The following WDFY4 variants were observed in gnomAD, a reference collection of about 807,000 sequenced individuals.
WDFY4 encodes the protein WD repeat- and FYVE domain-containing protein 4.
WDFY4 carries 169 observed loss-of-function variants against 351.9 expected under a neutral mutation model. The ratio of observed to expected loss-of-function variants is 0.48; its 90% confidence interval spans 0.42 to 0.55. The LOEUF is 0.55. WDFY4 is among the 20% of genes least tolerant of loss of function. The pLI is 0.00. For synonymous variants in WDFY4, 1,622 were observed against 1,574.6 expected, an observed-to-expected ratio of 1.03 and a Z score of -0.71; for missense variants, 3,803 against 3,935.6, an observed-to-expected ratio of 0.97 and a Z score of 0.90.
intron 11 of WDFY4, among the ~76,000 whole-genome samples, chr10:48,739,796 T>G (rs573722356): frequency 6.6e-6 from 1 of 152,308 alleles, no homozygotes; most frequent in South Asian, 2.1e-4. Context: ...CTAGGAATTA[T>G]AGGTGACAAA....
At position 48,721,318 on chromosome 10, in the gene WDFY4, A is replaced by G. The variant is rs762680599; in HGVS notation, c.407A>G (p.Asp136Gly). The change falls in exon 4 of 62, where the codon GAT becomes GGT. Residue 136 changes from aspartate to glycine, a missense_variant. By Grantham distance (94) the Asp-to-Gly change is moderately conservative. Coordinates refer to ENST00000325239, the MANE Select transcript of WDFY4 (RefSeq NM_001394531.1). Reference protein sequence around the residue: ...LLWWKGDVDQDGYLLLKSVYV... With the variant: ...LLWWKGDVDQGGYLLLKSVYV... ...TGGTGGAAGGGGGACGTGGATCAGG[A>G]TGGCTACTTGCTCCTGAAGTCAGTG... is the stretch of plus-strand genomic sequence containing the variant. 270 of 1,551,498 alleles carry G rather than the reference A, an allele frequency of 1.7e-4. No individual in the cohort carries two copies. The highest frequency in any genetic ancestry group is 2.3e-4 in the Non-Finnish European group (264 of 1,146,982).
chr10:48,955,233 C>T (rs771078976), intron 51 of WDFY4, among the ~76,000 whole-genome samples: 5 of 152,178 alleles, frequency 3.3e-5, no homozygotes, highest in South Asian at 4.1e-4. Context: ...TGATGGTGGA[C>T]GTCATTCCCT....
At position 48,960,570 on chromosome 10, in the gene WDFY4, T is replaced by C. The variant is rs370722714; in HGVS notation, c.8223+757T>C. Reference sequence around the variant, plus strand: ...ATTACCCAGCATTTTCCCTTGTAGATATTTACTCCAGAAAATTGAAAGCAT... The same window carrying C: ...ATTACCCAGCATTTTCCCTTGTAGACATTTACTCCAGAAAATTGAAAGCAT... On this transcript the variant is annotated intron_variant, in intron 53 of 61. Coordinates refer to ENST00000325239, the MANE Select transcript of WDFY4 (RefSeq NM_001394531.1). 1.1e-4 allele frequency among the ~76,000 whole-genome samples: 17 copies of C among 152,346 alleles called. No homozygotes were observed. In the East Asian group the frequency reaches 1.5e-3, roughly 14 times the overall value.
chr10:48,877,298 G>C, intron 43 of WDFY4, 99 bp downstream of exon 43: 1 of 1,088,862 alleles, frequency 9.2e-7, no homozygotes, highest in Non-Finnish European at 1.3e-6. Flanking sequence ...CATGGGGAAT[G>C]AGATCTCCAT....
At chr10:48,787,870 TCTTC>T (rs1565198013) in intron 20 of WDFY4, among the ~76,000 whole-genome samples, 1 of 122,702 alleles carries the variant, frequency 8.1e-6, no homozygotes. Context: ...TCTTCTTCTT[TCTTC>T]TTTCTTTCTT....
intron 19 of WDFY4, among the ~76,000 whole-genome samples, chr10:48,780,321 G>A (rs183031549): frequency 3.3e-5 from 5 of 152,338 alleles, no homozygotes; most frequent in Non-Finnish European, 5.9e-5. Flanking sequence ...TTTAGAAAAT[G>A]CATTGAAGGT....
chr10:48,871,264 A>G (rs2069768271), intron 40 of WDFY4, among the ~76,000 whole-genome samples: 1 of 152,140 alleles, frequency 6.6e-6, no homozygotes, highest in Non-Finnish European at 1.5e-5. Flanking sequence ...ACTAATTTGA[A>G]GCTAAGGCTG....
intron 1 of WDFY4, among the ~76,000 whole-genome samples, chr10:48,707,519 CA>C (rs2063662648): frequency 6.6e-6 from 1 of 152,186 alleles, no homozygotes; most frequent in African/African-American, 2.4e-5. Flanking sequence ...CTAATCCAGC[CA>C]TCTATCAGAG....
chr10:48,977,767 C>T (rs930037271), intron 59 of WDFY4, among the ~76,000 whole-genome samples: 1 of 152,322 alleles, frequency 6.6e-6, no homozygotes, highest in East Asian at 1.9e-4. Context: ...CTGTGCTAAG[C>T]CTGGCGTGGG....
At chr10:48,866,977 C>G (rs545922160) in intron 39 of WDFY4, among the ~76,000 whole-genome samples, 75 of 152,016 alleles carry the variant, frequency 4.9e-4, no homozygotes, top group African/African-American at 1.8e-3. Flanking sequence ...TCAAGACCAG[C>G]CTGGCCAATG....
Position 48,735,914 on chromosome 10 carries a change from C to A in WDFY4, c.1722C>A (p.Ile574=). 1 of 1,551,714 alleles carries A rather than the reference C, an allele frequency of 6.4e-7. No individual in the cohort carries two copies. The highest frequency in any genetic ancestry group is 8.7e-7 in the Non-Finnish European group (1 of 1,147,006). ...VLKDHGMVPF[I]KIFLDDECYR... is the part of the protein sequence containing the mutation. Reference sequence around the variant, plus strand: ...AGGACCACGGCATGGTGCCCTTCATCAAGATCTTCCTGGATGACGAGTGCT... The same window carrying A: ...AGGACCACGGCATGGTGCCCTTCATAAAGATCTTCCTGGATGACGAGTGCT... Residue 574 remains isoleucine, a synonymous_variant, in exon 11 of 62, where the codon ATC becomes ATA. Transcript: ENST00000325239.
intron 12 of WDFY4, among the ~76,000 whole-genome samples, chr10:48,744,213 C>T (rs1245374408): frequency 6.6e-6 from 1 of 152,200 alleles, no homozygotes; most frequent in Non-Finnish European, 1.5e-5. Flanking sequence ...TGAAAGAACA[C>T]AACAGTAACA....
chr10:48,927,428 T>C (rs1299078535), intron 47 of WDFY4, among the ~76,000 whole-genome samples: 1 of 152,200 alleles, frequency 6.6e-6, no homozygotes, highest in East Asian at 1.9e-4. Flanking sequence ...AGCTGCCTTA[T>C]TCCAGCACTT....
intron 47 of WDFY4, among the ~76,000 whole-genome samples, chr10:48,923,713 C>A (rs560194307): frequency 6.6e-6 from 1 of 151,938 alleles, no homozygotes; most frequent in South Asian, 2.1e-4. Context: ...GTAATCAGGC[C>A]CAGTCCTCAA....
Position 48,746,623 on chromosome 10 carries a change from T to TA in WDFY4, c.2459+3084dup, listed in dbSNP as rs554671356. On this transcript the variant is annotated intron_variant, in intron 12 of 61. Transcript: ENST00000325239. Reference sequence around the variant, plus strand: ...TTAGCTTTTTACATTTGTTCCACTTTAAAAAAAAACATTTTTGGTCTTATT... The same window carrying TA: ...TTAGCTTTTTACATTTGTTCCACTTTAAAAAAAAAACATTTTTGGTCTTATT... Among the ~76,000 whole-genome samples the TA allele has an allele frequency of 9.0e-3, 1,360 of 151,344 alleles. 7 individuals are homozygous for TA. The highest frequency in any genetic ancestry group is 0.014 in the Non-Finnish European group (951 of 67,752).
intron 1 of WDFY4, among the ~76,000 whole-genome samples, chr10:48,699,297 G>C (rs1371745717): frequency 1.3e-5 from 2 of 152,206 alleles, no homozygotes; most frequent in Non-Finnish European, 2.9e-5. Flanking sequence ...CAGTGTTGGG[G>C]CTTGCAGCAT....
At chr10:48,773,754 G>A (rs2065941209) in intron 13 of WDFY4, among the ~76,000 whole-genome samples, 1 of 152,256 alleles carries the variant, frequency 6.6e-6, no homozygotes, top group South Asian at 2.1e-4. Flanking sequence ...CTTCTCCCCA[G>A]AGACTTTAGT....
intron 39 of WDFY4, among the ~76,000 whole-genome samples, chr10:48,834,588 A>G (rs2068314019): frequency 6.6e-6 from 1 of 152,212 alleles, no homozygotes. Flanking sequence ...ACTTGTGCCC[A>G]TATACCTGCT....
chr10:48,897,374 G>A, intron 44 of WDFY4, 80 bp from the exon 45 acceptor site: 1 of 1,509,396 alleles, frequency 6.6e-7, no homozygotes, highest in Non-Finnish European at 8.9e-7. Flanking sequence ...AGCTGGTGGA[G>A]GGCAGGAAGA....
Sources: allele counts gnomAD v4.1 joint callset (sites outside exome capture counted in the v4.1 genomes callset), GRCh38; gene constraint gnomAD v4.1.1; transcripts MANE v1.5; gene names NCBI Gene and HGNC (gene_info 2026-07-23, HGNC 2026-07-21).